RARA: variants seen among roughly 807,000 people sequenced by gnomAD.
RARA encodes retinoic acid receptor alpha.
A neutral mutation model predicts 42.8 loss-of-function variants in RARA; 5 were observed. The observed-to-expected ratio is 0.12, with a 90% CI of 0.06 to 0.25. The LOEUF (loss-of-function observed/expected upper bound fraction) is 0.25, where lower values mean the gene tolerates loss of function less well. Ranked by LOEUF, RARA falls within the 10% of genes least tolerant of loss-of-function variation. The probability of loss-of-function intolerance (pLI) is 1.00; values close to 1 mark genes in which losing one functional copy is unlikely to be tolerated. For synonymous variants in RARA, 256 were observed against 259.5 expected, an observed-to-expected ratio of 0.99 and a Z score of 0.13; for missense variants, 402 against 628.7, an observed-to-expected ratio of 0.64 and a Z score of 3.86.
chr17:40,328,104 C>T (rs1369503720), intron 1 of RARA, among the ~76,000 whole-genome samples: 3 of 152,154 alleles, frequency 2.0e-5, no homozygotes, highest in Admixed American at 1.3e-4. Flanking sequence ...AGCCCAGTAC[C>T]TGTCCCCTCC....
rs2034540608 is a variant in RARA, at chr17:40,354,234, G to A, written c.808-68G>A. 6.0e-5 allele frequency: 89 copies of A among 1,483,730 alleles called. No individual in the cohort carries two copies. The South Asian group carries it at 1.0e-3, about 17-fold the overall frequency. The allele number at this position is 1,483,730 out of a possible 1,614,324, so 91.9% of individuals were successfully genotyped here. A position where few individuals can be genotyped will look rare whatever the true frequency, so the allele number is the denominator to read the frequency against. On this transcript the variant is annotated intron_variant, in intron 6 of 8. Transcript: ENST00000254066. This position sits in a 1 kb window ranked among gnomAD's most constrained non-coding sequence, Gnocchi z 4.5. ...GGTCCTCCGGGAGTGCTGGTGCGGA[G>A]TGCTGGTGCCGAGTGCTCAGAGTGG...
intron 3 of RARA, 118 bp downstream of exon 3, chr17:40,348,582 C>T: frequency 7.4e-7 from 1 of 1,350,780 alleles, no homozygotes; most frequent in Non-Finnish European, 9.8e-7. Context: ...TCTTCTTTCT[C>T]TGTGGAAGTT....
Position 40,352,744 on chromosome 17 carries a change from A to C in RARA, c.807+237A>C, listed in dbSNP as rs932358501. On this transcript the variant is annotated intron_variant, in intron 6 of 8. Transcript: ENST00000254066. The surrounding 1 kb of genome is among the most constrained non-coding windows in gnomAD (Gnocchi z 4.9). ...CACCTGTTCACCCATACACATATCC[A>C]GCCACCCAGCCATCCATCCATTTAG... 2.0e-5 allele frequency among the ~76,000 whole-genome samples: 3 copies of C among 152,140 alleles called. No individual in the cohort carries two copies. The highest frequency in any genetic ancestry group is 7.2e-5 in the African/African-American group (3 of 41,426).
chr17:40,344,812 C>T (rs2143422138), intron 2 of RARA, among the ~76,000 whole-genome samples: 1 of 152,252 alleles, frequency 6.6e-6, no homozygotes, highest in Admixed American at 6.5e-5. Flanking sequence ...GGGGGCTTGC[C>T]TTGAGGCACA....
intron 1 of RARA, among the ~76,000 whole-genome samples, chr17:40,315,767 C>T (rs965328703): frequency 5.3e-5 from 8 of 152,162 alleles, no homozygotes; most frequent in Non-Finnish European, 1.2e-4. Flanking sequence ...GCCACTGGCC[C>T]TGGTACCTGT....
At position 40,331,322 on chromosome 17, in the gene RARA, T is replaced by C; in HGVS notation, c.104T>C (p.Leu35Pro). The C allele has an allele frequency of 6.2e-7, 1 of 1,613,950 alleles. No individual in the cohort carries two copies. The highest frequency in any genetic ancestry group is 8.5e-7 in the Non-Finnish European group (1 of 1,179,946). ...TTCTTCCCCCCTATGCTGGGTGGAC[T>C]CTCCCCGCCAGGCGCTCTGACCACT... ...AFFFPPMLGG[L>P]SPPGALTTLQ... Residue 35 changes from leucine (L) to proline (P), a missense_variant, in exon 2 of 9, where the codon CTC (leucine) becomes CCC (proline). This residue lies in a region of RARA where 91 missense variants were observed against 105.2 expected (regional missense o/e 0.87). Coordinates refer to ENST00000254066, the MANE Select transcript of RARA (RefSeq NM_000964.4).
chr17:40,331,095 C>A lies in RARA; in HGVS notation c.-124C>A. On this transcript the variant is annotated 5_prime_UTR_variant, in exon 2 of 9. Transcript: ENST00000254066. The stretch of plus-strand genomic sequence containing the variant: ...TTTGGACAGCAGCTCCAGGACAGGG[C>A]GGGTGGGCTGACCACCCAAACCCCA... 2 of 1,123,542 alleles carry A rather than the reference C, an allele frequency of 1.8e-6. No homozygotes were observed. The highest frequency in any genetic ancestry group is 2.5e-6 in the Non-Finnish European group (2 of 798,484). 69.6% of individuals were successfully genotyped at this position (1,123,542 alleles called of 1,614,324 possible).
At chr17:40,318,676 TG>T (rs1276077297) in intron 1 of RARA, among the ~76,000 whole-genome samples, 2 of 152,258 alleles carry the variant, frequency 1.3e-5, no homozygotes, top group Non-Finnish European at 2.9e-5. Context: ...TTGAGGCGTC[TG>T]GGGCCGTCTG....
intron 1 of RARA, chr17:40,318,319 G>A (rs1262362739): frequency 1.3e-5 from 2 of 152,416 alleles, no homozygotes; most frequent in African/African-American, 4.8e-5. Context: ...CCGCGCCCCT[G>A]AGCCGCGGCC....
At chr17:40,323,012 G>A (rs1167180479) in intron 1 of RARA, 2 of 152,272 alleles carry the variant, frequency 1.3e-5, no homozygotes, top group Non-Finnish European at 2.9e-5. Flanking sequence ...CCATGGTGAT[G>A]TCTGCCGTGG....
chr17:40,332,581 C>T (rs759420987), intron 2 of RARA, among the ~76,000 whole-genome samples: 2 of 152,214 alleles, frequency 1.3e-5, no homozygotes, highest in Non-Finnish European at 2.9e-5. Flanking sequence ...CCCGCACTGG[C>T]TGGGTGCCCA....
rs1207039344 is a variant in RARA, at chr17:40,320,801, A to T, written c.-362-10056A>T. ...AGCACTGCCTGGGATCTGGGGTGAT[A>T]GGCATCTGGGGATGGTAATCCTGTC... is the stretch of plus-strand genomic sequence containing the variant. On this transcript the variant is annotated intron_variant, in intron 1 of 8. Transcript: ENST00000254066. This position sits in a 1 kb window ranked among gnomAD's most constrained non-coding sequence, Gnocchi z 4.1. Among the ~76,000 whole-genome samples, 1 of 152,112 alleles carries T rather than the reference A, an allele frequency of 6.6e-6. No individual in the cohort carries two copies. The highest frequency in any genetic ancestry group is 1.5e-5 in the Non-Finnish European group (1 of 68,016).
In RARA at chr17:40,352,841, G is replaced by A. The variant is rs1042183355; in HGVS notation, c.807+334G>A. On this transcript the variant is annotated intron_variant, in intron 6 of 8. Transcript: ENST00000254066. This position sits in a 1 kb window ranked among gnomAD's most constrained non-coding sequence, Gnocchi z 4.9. ...TGTAATCCCAGCACTTTGGGAGGCC[G>A]AGCGAGGCAGGAGGATCACTTGAGG... Among the ~76,000 whole-genome samples the A allele has an allele frequency of 6.6e-6, 1 of 152,144 alleles. No individual in the cohort carries two copies. The highest frequency in any genetic ancestry group is 6.5e-5 in the Admixed American group (1 of 15,288).
At chr17:40,314,029 G>T (rs1336600342) in intron 1 of RARA, among the ~76,000 whole-genome samples, 1 of 152,102 alleles carries the variant, frequency 6.6e-6, no homozygotes, top group East Asian at 1.9e-4. Flanking sequence ...GTTGGTCTCT[G>T]TCTCATTCTC....
At position 40,353,783 on chromosome 17, in the gene RARA, C is replaced by T. The variant is rs556501367; in HGVS notation, c.808-519C>T. On this transcript the variant is annotated intron_variant, in intron 6 of 8. Transcript: ENST00000254066. ...TGATGGGTGGGAGGTTTAGATTGTG[C>T]TGCCTGCAGGGGCTCCCATCCCCAT... Among the ~76,000 whole-genome samples the T allele has an allele frequency of 1.4e-4, 22 of 152,296 alleles. No individual in the cohort carries two copies. In the South Asian group the frequency reaches 4.4e-3, roughly 30 times the overall value.
rs549606512 is a variant in RARA, at chr17:40,335,064, G to C, written c.178+3668G>C. ...ACGGGTCAGGGCTGTGTGTGTTTTG[G>C]GGGTGGGGTCACGGTTGGGTGTGTG... is the stretch of plus-strand genomic sequence containing the variant. On this transcript the variant is annotated intron_variant, in intron 2 of 8. Coordinates refer to ENST00000254066, the MANE Select transcript of RARA (RefSeq NM_000964.4). 1.6e-3 allele frequency among the ~76,000 whole-genome samples: 250 copies of C among 152,240 alleles called. 2 individuals carry two copies. Among genetic ancestry groups the C allele is most frequent in the African/African-American group, 5.8e-3 (241 of 41,526 alleles).
chr17:40,319,093 C>T (rs1231962037), intron 1 of RARA, among the ~76,000 whole-genome samples: 2 of 152,192 alleles, frequency 1.3e-5, no homozygotes, highest in Non-Finnish European at 2.9e-5. Context: ...CGACTTTGCT[C>T]TGCTGAGGGT....
Position 40,352,673 on chromosome 17 carries a change from G to C in RARA, c.807+166G>C, listed in dbSNP as rs552647733. On this transcript the variant is annotated intron_variant, in intron 6 of 8. Transcript: ENST00000254066. This position sits in a 1 kb window ranked among gnomAD's most constrained non-coding sequence, Gnocchi z 4.9. ...TCCCCATATGTCCACCTGTCCACTC[G>C]TCTCCCTGTCCACTCAGCCACCTAG... Among the ~76,000 whole-genome samples, 1 of 151,946 alleles carries C rather than the reference G, an allele frequency of 6.6e-6. No homozygotes were observed. Among genetic ancestry groups the C allele is most frequent in the Non-Finnish European group, 1.5e-5 (1 of 67,976 alleles).
chr17:40,346,917 C>T (rs1280675140), intron 2 of RARA, among the ~76,000 whole-genome samples: 2 of 152,216 alleles, frequency 1.3e-5, no homozygotes, highest in African/African-American at 4.8e-5. Flanking sequence ...CCAGGCACTA[C>T]TAAGAGCCAG....
Sources: allele counts gnomAD v4.1 joint callset (sites outside exome capture counted in the v4.1 genomes callset), GRCh38; gene constraint gnomAD v4.1.1; regional missense constraint gnomAD v4.1.1; non-coding constraint Gnocchi (gnomAD v3.1); transcripts MANE v1.5; gene names NCBI Gene and HGNC (gene_info 2026-07-23, HGNC 2026-07-21).